Variants in TTK observed in about 807,000 individuals in gnomAD.
TTK encodes TTK protein kinase, also known as dual specificity protein kinase TTK.
Under a neutral mutation model 117.3 loss-of-function variants are expected in TTK, and 59 were observed. That is an observed-to-expected ratio of 0.50 (90% CI 0.41 to 0.62). The LOEUF (loss-of-function observed/expected upper bound fraction) is 0.62, where lower values mean the gene tolerates loss of function less well. Among genes scored for constraint, TTK ranks in the 20% least tolerant of loss-of-function variants. The probability of loss-of-function intolerance (pLI) is 0.00; values close to 1 mark genes in which losing one functional copy is unlikely to be tolerated. For missense variants in TTK, 921 were observed against 989.4 expected (o/e 0.93, Z 0.93); for synonymous variants, 302 against 325.0 (o/e 0.93, Z 0.76).
chr6:80,017,198 T>C (rs1281911904), intron 10 of TTK, among the ~76,000 whole-genome samples: 1 of 152,242 alleles, frequency 6.6e-6, no homozygotes, highest in Non-Finnish European at 1.5e-5. Flanking sequence ...GATCCTCCTT[T>C]ACCTCACTGA....
intron 10 of TTK, among the ~76,000 whole-genome samples, chr6:80,016,834 G>A (rs903091761): frequency 6.6e-6 from 1 of 152,118 alleles, no homozygotes; most frequent in Non-Finnish European, 1.5e-5. Context: ...TGCTTAAATG[G>A]TATTTTAACA....
intron 1 of TTK, chr6:80,005,072 C>A (rs1443426593): frequency 2.0e-5 from 3 of 152,224 alleles, no homozygotes; most frequent in Non-Finnish European, 4.4e-5. Context: ...AGTTATCTTT[C>A]AAACCTGACT....
At chr6:80,039,988 A>C in intron 19 of TTK, 116 bp downstream of exon 19, 1 of 1,056,512 alleles carries the variant, frequency 9.5e-7, no homozygotes, top group Non-Finnish European at 1.3e-6. Context: ...TAACTGAATT[A>C]GTTTTTTTAC....
intron 11 of TTK, among the ~76,000 whole-genome samples, chr6:80,024,328 A>G (rs563238200): frequency 6.6e-6 from 1 of 152,378 alleles, no homozygotes; most frequent in East Asian, 1.9e-4. Flanking sequence ...CAGCATTTTC[A>G]TAATTGCCAA....
rs1276859759 is a variant in TTK at position 80,014,496 on chromosome 6, G to C, written c.1018G>C (p.Val340Leu). Residue 340 changes from valine to leucine, a missense_variant, in exon 10 of 22, where the codon GTG becomes CTG. Val to Leu is a conservative substitution (Grantham distance 32). Coordinates refer to ENST00000369798, the MANE Select transcript of TTK (RefSeq NM_003318.5). Reference sequence around the variant, plus strand: ...AAATAGTCATTTCAAGGAACCTCTGGTGTCAGATGAAAAGAGTTCTGAACT... The same window carrying C: ...AAATAGTCATTTCAAGGAACCTCTGCTGTCAGATGAAAAGAGTTCTGAACT... The part of the protein sequence containing the change: ...VQNSHFKEPL[V>L]SDEKSSELII... 4 of 1,608,758 alleles carry C rather than the reference G, an allele frequency of 2.5e-6. No homozygotes were observed. The highest frequency in any genetic ancestry group is 3.4e-6 in the Non-Finnish European group (4 of 1,177,556).
At chr6:80,036,424 C>A in intron 16 of TTK, 51 bp from the exon 17 acceptor site, 3 of 1,534,358 alleles carry the variant, frequency 2.0e-6, no homozygotes, top group Non-Finnish European at 2.6e-6. Flanking sequence ...ATTTTTTGGT[C>A]CTTAGAATGT....
At chr6:80,031,426 G>A in intron 13 of TTK, 41 bp from the exon 14 acceptor site, 1 of 1,229,224 alleles carries the variant, frequency 8.1e-7, no homozygotes, top group Non-Finnish European at 1.1e-6. Context: ...AGTTTCTTAG[G>A]TATATTGATT....
rs1767041018 is a variant in TTK, at chr6:80,007,980, G to T, written c.311G>T (p.Gly104Val). The T allele has an allele frequency of 6.2e-7, 1 of 1,613,290 alleles. No homozygotes were observed. Among genetic ancestry groups the T allele is most frequent in the African/African-American group, 1.3e-5 (1 of 74,842 alleles). Reference sequence around the variant, plus strand: ...GAAGCGCTTCCCCCAGATAAATATGGCCAAAATGAGAGTTTTGCTAGAATT... The same window carrying T: ...GAAGCGCTTCCCCCAGATAAATATGTCCAAAATGAGAGTTTTGCTAGAATT... The part of the protein sequence containing the change: ...AIEALPPDKY[G>V]QNESFARIQV... The change falls in exon 3 of 22, where the codon GGC (glycine) becomes GTC (valine). Residue 104 changes from glycine to valine, a missense_variant. Transcript: ENST00000369798.
intron 5 of TTK, 108 bp from the exon 6 acceptor site, chr6:80,011,326 C>T: frequency 1.5e-6 from 1 of 679,896 alleles, no homozygotes; most frequent in Non-Finnish European, 2.3e-6. Context: ...TACTTGGGGA[C>T]AAGTATTTCC....
In TTK at chr6:80,035,276, G is replaced by T. The variant is rs1767865616; in HGVS notation, c.1783G>T (p.Asp595Tyr). 6.3e-7 allele frequency: 1 copy of T among 1,596,068 alleles called. No homozygotes were observed. The highest frequency in any genetic ancestry group is 1.2e-5 in the South Asian group (1 of 86,472). ...TTTGTTTAATTGCAGTGAAATCACGGACCAGTACATCTACATGGTAATGGA... is the reference window on the plus strand; with the variant it reads ...TTTGTTTAATTGCAGTGAAATCACGTACCAGTACATCTACATGGTAATGGA... ...IIRLYDYEIT[D>Y]QYIYMVMECG... Residue 595 changes from aspartate to tyrosine, a missense_variant, in exon 16 of 22, where the codon GAC becomes TAC. Transcript: ENST00000369798.
At chr6:80,028,755 T>G (rs1767677051) in intron 13 of TTK, among the ~76,000 whole-genome samples, 1 of 152,184 alleles carries the variant, frequency 6.6e-6, no homozygotes, top group African/African-American at 2.4e-5. Context: ...TGTATTATAC[T>G]AATAACTAAA....
In TTK at chr6:80,035,304, G is replaced by A. The variant is rs1358638673; in HGVS notation, c.1811G>A (p.Cys604Tyr). 6 of 1,611,358 alleles carry A rather than the reference G, an allele frequency of 3.7e-6. No individual in the cohort carries two copies. The highest frequency in any genetic ancestry group is 5.1e-6 in the Non-Finnish European group (6 of 1,178,944). Residue 604 changes from cysteine (C) to tyrosine (Y), a missense_variant, in exon 16 of 22, where the codon TGT becomes TAT. Coordinates refer to ENST00000369798, the MANE Select transcript of TTK (RefSeq NM_003318.5). ...TDQYIYMVME[C>Y]GNIDLNSWLK... Reference sequence around the variant, plus strand: ...CAGTACATCTACATGGTAATGGAGTGTGGAAATATTGATCTTAATAGTTGG... The same window carrying A: ...CAGTACATCTACATGGTAATGGAGTATGGAAATATTGATCTTAATAGTTGG...
intron 4 of TTK, 123 bp downstream of exon 4, chr6:80,008,615 T>C (rs1767058588): frequency 2.5e-6 from 2 of 816,150 alleles, no homozygotes; most frequent in Non-Finnish European, 1.8e-6. Context: ...GTTGATCAGA[T>C]GAGAATATGG....
intron 4 of TTK, among the ~76,000 whole-genome samples, chr6:80,009,074 C>T (rs754117674): frequency 8.1e-4 from 123 of 152,106 alleles, no homozygotes; most frequent in African/African-American, 2.9e-3. Flanking sequence ...AGGACCAAGA[C>T]AATCTCTTCC....
intron 10 of TTK, among the ~76,000 whole-genome samples, chr6:80,020,927 A>G (rs1191772459): frequency 1.3e-5 from 2 of 152,244 alleles, no homozygotes; most frequent in African/African-American, 4.8e-5. Flanking sequence ...CCCATCCCCA[A>G]GAAGGGGAGA....
intron 11 of TTK, among the ~76,000 whole-genome samples, chr6:80,023,075 A>G (rs377029810): frequency 1.6e-4 from 24 of 152,346 alleles, no homozygotes; most frequent in East Asian, 5.8e-4. Context: ...CTAAAGAGCT[A>G]TAGCTGCAGT....
At chr6:80,006,615 T>TAATGC (rs948697683) in intron 2 of TTK, among the ~76,000 whole-genome samples, 3 of 152,166 alleles carry the variant, frequency 2.0e-5, no homozygotes, top group African/African-American at 7.2e-5. Flanking sequence ...TGCTACATTG[T>TAATGC]AATGCATGCT....
chr6:80,026,531 C>T lies in TTK; in HGVS notation c.1394+17C>T. The T allele has an allele frequency of 6.2e-7, 1 of 1,612,318 alleles. No individual in the cohort carries two copies. The highest frequency in any genetic ancestry group is 1.1e-5 in the South Asian group (1 of 90,560). ...CATGAGCTGGTAATTACTTTGGCCC[C>T]TTGCTTGATTGGCAGGGTGGTATGA... On this transcript the variant is annotated intron_variant, in intron 12 of 21. Transcript: ENST00000369798.
intron 8 of TTK, among the ~76,000 whole-genome samples, chr6:80,013,009 A>G (rs530289285): frequency 1.3e-5 from 2 of 152,222 alleles, no homozygotes; most frequent in East Asian, 3.9e-4. Flanking sequence ...TGCCTTTCCC[A>G]CAGTCTAACC....
Sources: gnomAD v4.1 joint callset for allele counts (sites outside exome capture counted in the v4.1 genomes callset) on GRCh38, gnomAD v4.1.1 for gene constraint, MANE v1.5 for transcripts, NCBI Gene and HGNC (gene_info 2026-07-23, HGNC 2026-07-21) for gene names.